Variants in CPEB1 observed in about 807,000 individuals in gnomAD.
CPEB1 encodes the protein cytoplasmic polyadenylation element-binding protein 1.
A neutral mutation model predicts 65.8 loss-of-function variants in CPEB1; 7 were observed. The observed-to-expected ratio is 0.11, with a 90% CI of 0.06 to 0.20. The LOEUF (loss-of-function observed/expected upper bound fraction) is 0.20. Among genes scored for constraint, CPEB1 ranks in the 10% least tolerant of loss-of-function variants. CPEB1 has a pLI of 1.00. For synonymous variants in CPEB1, 262 were observed against 260.0 expected (o/e 1.01, Z -0.08); for missense variants, 551 against 712.2 (o/e 0.77, Z 2.58).
chr15:82,599,926 G>A (rs1354957066), intron 3 of CPEB1, among the ~76,000 whole-genome samples: 2 of 151,824 alleles, frequency 1.3e-5, no homozygotes, highest in Non-Finnish European at 2.9e-5. Flanking sequence ...CAAAAAAGTA[G>A]AAAATATCAA....
intron 3 of CPEB1, among the ~76,000 whole-genome samples, chr15:82,588,005 T>TC (rs2041937266): frequency 6.6e-6 from 1 of 152,180 alleles, no homozygotes; most frequent in Non-Finnish European, 1.5e-5. Flanking sequence ...CACTGCACCC[T>TC]CTGCCTCCCA....
rs539710914 is a variant in CPEB1 at position 82,615,372 on chromosome 15, A to T, written c.271+11821T>A. ...AGTGTTATAAAGTTTCTGAAGTGAC[A>T]ACCAAGCCAACTTTGAATAAAATAA... On this transcript the variant is annotated intron_variant, in intron 3 of 12. Coordinates refer to ENST00000684509, the MANE Select transcript of CPEB1 (RefSeq NM_001365242.1). Among the ~76,000 whole-genome samples, 4 of 152,346 alleles carry T rather than the reference A, an allele frequency of 2.6e-5. No individual in the cohort carries two copies. The South Asian group carries it at 8.3e-4, about 32-fold the overall frequency.
intron 12 of CPEB1, among the ~76,000 whole-genome samples, chr15:82,545,728 A>T (rs1388229814): frequency 6.6e-6 from 1 of 152,198 alleles, no homozygotes; most frequent in East Asian, 1.9e-4. Context: ...TACAGCCCAG[A>T]TGCAAATATC....
At chr15:82,584,320 A>G (rs1596064840) in intron 3 of CPEB1, among the ~76,000 whole-genome samples, 1 of 151,354 alleles carries the variant, frequency 6.6e-6, no homozygotes, top group Non-Finnish European at 1.5e-5. Context: ...ACGTGAAGAT[A>G]CAAGTTTTTA....
rs1263907051 is a variant in CPEB1 at position 82,554,923 on chromosome 15, A to T, written c.941-932T>A. 2.0e-5 allele frequency among the ~76,000 whole-genome samples: 3 copies of T among 152,250 alleles called. No individual in the cohort carries two copies. In the East Asian group the frequency reaches 5.8e-4, roughly 29 times the overall value. On this transcript the variant is annotated intron_variant, in intron 6 of 12. Transcript: ENST00000684509. ...CATTTCACAGGAAAACAATGGCACC[A>T]GAGAAAGTACAAAGATGGGTTGCCA...
chr15:82,593,813 T>A (rs545932063), intron 3 of CPEB1, among the ~76,000 whole-genome samples: 4 of 152,204 alleles, frequency 2.6e-5, no homozygotes, highest in Non-Finnish European at 5.9e-5. Flanking sequence ...AAATCATTAA[T>A]CTCCTTGTAC....
chr15:82,566,954 G>C (rs2039230970), intron 4 of CPEB1, among the ~76,000 whole-genome samples: 1 of 152,134 alleles, frequency 6.6e-6, no homozygotes. Flanking sequence ...GGAGGCAGAA[G>C]AATGGGAGAG....
intron 4 of CPEB1, among the ~76,000 whole-genome samples, chr15:82,561,595 T>C (rs976590024): frequency 1.8e-4 from 28 of 152,230 alleles, no homozygotes; most frequent in South Asian, 6.2e-4. Flanking sequence ...TAAAAGGTAT[T>C]TTGGAAAGAG....
chr15:82,567,505 T>C (rs775622271), intron 4 of CPEB1, among the ~76,000 whole-genome samples: 6 of 151,694 alleles, frequency 4.0e-5, no homozygotes, highest in Non-Finnish European at 7.4e-5. Flanking sequence ...GGTGTGGTGG[T>C]GGGCACCTCT....
At chr15:82,599,506 A>G (rs2042929103) in intron 3 of CPEB1, among the ~76,000 whole-genome samples, 1 of 152,186 alleles carries the variant, frequency 6.6e-6, no homozygotes, top group Non-Finnish European at 1.5e-5. Flanking sequence ...TAGAACTACT[A>G]GTCCAAATTC....
intron 3 of CPEB1, among the ~76,000 whole-genome samples, chr15:82,612,201 G>T (rs1017112110): frequency 6.6e-6 from 1 of 151,762 alleles, no homozygotes; most frequent in Non-Finnish European, 1.5e-5. Context: ...CTTAGAAGAC[G>T]GAATAGAAAT....
In CPEB1 at chr15:82,611,505, T is replaced by C. The variant is rs536610361; in HGVS notation, c.271+15688A>G. On this transcript the variant is annotated intron_variant, in intron 3 of 12. Transcript: ENST00000684509. ...GGCACAGTGGCTCATGCTTATAATC[T>C]CAACGCTTTGGGAGGCTGAGGCAGG... Among the ~76,000 whole-genome samples, 5 of 151,942 alleles carry C rather than the reference T, an allele frequency of 3.3e-5. No homozygotes were observed. In the East Asian group the frequency reaches 9.7e-4, roughly 29 times the overall value.
chr15:82,555,784 A>G, intron 6 of CPEB1, 86 bp downstream of exon 6: 2 of 1,441,888 alleles, frequency 1.4e-6, no homozygotes, highest in Non-Finnish European at 1.9e-6. Context: ...TCCTCTAGAC[A>G]GTTCACAAGT....
At position 82,544,161 on chromosome 15, in the gene CPEB1, G is replaced by C. The variant is rs1156719714; in HGVS notation, c.*431C>G. 6.3e-6 allele frequency: 1 copy of C among 158,196 alleles called. No homozygotes were observed. The highest frequency in any genetic ancestry group is 2.4e-5 in the African/African-American group (1 of 41,384). 9.8% of individuals were successfully genotyped at this position (158,196 alleles called of 1,614,324 possible). On this transcript the variant is annotated 3_prime_UTR_variant, in exon 13 of 13. Coordinates refer to ENST00000684509, the MANE Select transcript of CPEB1 (RefSeq NM_001365242.1). The stretch of plus-strand genomic sequence containing the variant: ...GCAACTGCAAGAATGAAACCAATGA[G>C]ACCTGCGCATCATCACCATCAGTAT...
At chr15:82,622,141 A>G (rs895766659) in intron 3 of CPEB1, among the ~76,000 whole-genome samples, 1 of 152,164 alleles carries the variant, frequency 6.6e-6, no homozygotes, top group Admixed American at 6.6e-5. Context: ...CTATGGCTTA[A>G]AGGACTAGGG....
intron 3 of CPEB1, among the ~76,000 whole-genome samples, chr15:82,612,384 C>A (rs1308621226): frequency 6.6e-6 from 1 of 151,318 alleles, no homozygotes; most frequent in East Asian, 2.0e-4. Context: ...GTAGTCCCAG[C>A]TACTTGGGAG....
intron 1 of CPEB1, among the ~76,000 whole-genome samples, chr15:82,632,300 T>G (rs1196572900): frequency 1.3e-5 from 2 of 152,104 alleles, no homozygotes; most frequent in African/African-American, 4.8e-5. Flanking sequence ...TTATTTTTTA[T>G]ATATACTTCA....
intron 3 of CPEB1, among the ~76,000 whole-genome samples, chr15:82,584,903 C>CTTTTTTTTTTTTATTTTTTTTTTTTTTT (rs2041646400): frequency 1.2e-5 from 1 of 81,742 alleles, no homozygotes; most frequent in Admixed American, 1.7e-4. Flanking sequence ...TCCTAATTTG[C>CTTTTTTTTTTTTATTTTTTTTTTTTTTT]TTTTTTTTTT....
intron 12 of CPEB1, among the ~76,000 whole-genome samples, chr15:82,545,939 G>C (rs1465365403): frequency 1.3e-5 from 2 of 152,078 alleles, no homozygotes; most frequent in Non-Finnish European, 1.5e-5. Flanking sequence ...GCAAGAAAAA[G>C]ACCAAAGTAT....
Sources: allele counts gnomAD v4.1 joint callset (sites outside exome capture counted in the v4.1 genomes callset), GRCh38; gene constraint gnomAD v4.1.1; transcripts MANE v1.5; gene names NCBI Gene and HGNC (gene_info 2026-07-23, HGNC 2026-07-21).